The following BOLL variants were observed in gnomAD, a reference collection of about 807,000 sequenced individuals.
BOLL encodes the protein protein boule-like.
BOLL carries 23 observed loss-of-function variants against 44.4 expected under a neutral mutation model. That is an observed-to-expected ratio of 0.52 (90% CI 0.37 to 0.73). The LOEUF (loss-of-function observed/expected upper bound fraction) is 0.73, where lower values mean the gene tolerates loss of function less well. Ranked by LOEUF, BOLL falls within the 30% of genes least tolerant of loss-of-function variation. The probability of loss-of-function intolerance (pLI) is 0.00; values close to 1 mark genes in which losing one functional copy is unlikely to be tolerated. For synonymous variants in BOLL, 97 were observed against 110.8 expected (o/e 0.88, Z 0.78); for missense variants, 287 against 338.3 (o/e 0.85, Z 1.19).
intron 8 of BOLL, among the ~76,000 whole-genome samples, chr2:197,757,122 C>A (rs991756202): frequency 1.3e-5 from 2 of 152,046 alleles, no homozygotes; most frequent in Non-Finnish European, 2.9e-5. Context: ...AATGCTTTCA[C>A]TTATGCATTA....
chr2:197,764,952 C>A (rs1688924630), intron 7 of BOLL, among the ~76,000 whole-genome samples: 3 of 151,252 alleles, frequency 2.0e-5, no homozygotes, highest in African/African-American at 7.3e-5. Context: ...TAAAGAGTAC[C>A]ATGTGTTACA....
chr2:197,758,694 C>A (rs1688622882), intron 7 of BOLL, among the ~76,000 whole-genome samples: 2 of 152,152 alleles, frequency 1.3e-5, no homozygotes, highest in Admixed American at 6.5e-5. Flanking sequence ...CATTATAGTT[C>A]ACTTATCCCC....
intron 10 of BOLL, among the ~76,000 whole-genome samples, chr2:197,742,847 G>T (rs1687816603): frequency 6.6e-6 from 1 of 151,722 alleles, no homozygotes; most frequent in Non-Finnish European, 1.5e-5. Context: ...TTTTAAAAAA[G>T]AAAATTTTTA....
intron 10 of BOLL, among the ~76,000 whole-genome samples, chr2:197,731,718 G>A (rs895383751): frequency 6.6e-6 from 1 of 151,630 alleles, no homozygotes; most frequent in African/African-American, 2.4e-5. Flanking sequence ...ATGACTACTG[G>A]GTACATAACA....
Position 197,774,242 on chromosome 2 carries a change from T to C in BOLL, c.352+1423A>G, listed in dbSNP as rs376780337. On this transcript the variant is annotated intron_variant, in intron 5 of 10. Coordinates refer to ENST00000392296, the MANE Select transcript of BOLL (RefSeq NM_033030.6). ...TATATTCAAATAAACAATATGATAT[T>C]ATGGAACAGAATGCAAATTATACAT... 3.1e-5 allele frequency: 6 copies of C among 193,798 alleles called. No homozygotes were observed. In the South Asian group the frequency reaches 5.3e-4, roughly 17 times the overall value. The allele number at this position is 193,798 out of a possible 1,614,324, so 12.0% of individuals were successfully genotyped here. A position where few individuals can be genotyped will look rare whatever the true frequency, so the allele number is the denominator to read the frequency against.
At chr2:197,785,421 T>C, upstream of BOLL, 1 of 979,000 alleles carries the variant, frequency 1.0e-6, no homozygotes, top group Non-Finnish European at 1.2e-6. This position sits in a 1 kb window ranked among gnomAD's most constrained non-coding sequence, Gnocchi z 6.7. Flanking sequence ...GTGCGGGCAG[T>C]CCTCCTTCAC....
chr2:197,762,918 A>C (rs866811076), intron 7 of BOLL, among the ~76,000 whole-genome samples: 5 of 152,228 alleles, frequency 3.3e-5, no homozygotes, highest in Non-Finnish European at 7.3e-5. Flanking sequence ...ACAAAACAAT[A>C]CAAAAGATTA....
At position 197,728,186 on chromosome 2, in the gene BOLL, TAAC is replaced by T; in HGVS notation, c.*366_*368del. ...AATAAATATCAAATAATATGAAACA[TAAC>T]ATCTAATTGTTTGATAAGAAAAAAT... is the stretch of plus-strand genomic sequence containing the variant. On this transcript the variant is annotated 3_prime_UTR_variant, in exon 11 of 11. Transcript: ENST00000392296. The T allele has an allele frequency of 2.9e-6, 1 of 349,124 alleles. No individual in the cohort carries two copies. The highest frequency in any genetic ancestry group is 5.1e-6 in the Non-Finnish European group (1 of 195,836). 21.6% of individuals were successfully genotyped at this position (349,124 alleles called of 1,614,324 possible). A position where few individuals can be genotyped will look rare whatever the true frequency, so the allele number is the denominator to read the frequency against.
At chr2:197,765,145 A>G (rs973613782) in intron 7 of BOLL, among the ~76,000 whole-genome samples, 12 of 152,096 alleles carry the variant, frequency 7.9e-5, no homozygotes, top group African/African-American at 1.9e-4. Context: ...ATGCAAAGGC[A>G]TAAGAATGAT....
intron 3 of BOLL, 126 bp from the exon 4 acceptor site, chr2:197,777,239 C>A: frequency 2.1e-6 from 1 of 480,992 alleles, no homozygotes; most frequent in South Asian, 4.7e-5. Context: ...TGTTTCTATG[C>A]TGCACTAGCA....
intron 7 of BOLL, among the ~76,000 whole-genome samples, chr2:197,762,896 A>T (rs1176451540): frequency 6.6e-6 from 1 of 152,202 alleles, no homozygotes; most frequent in Non-Finnish European, 1.5e-5. Flanking sequence ...AGAAATAAAC[A>T]ATGTTGAGAC....
chr2:197,765,710 A>C (rs1008657002), intron 7 of BOLL, among the ~76,000 whole-genome samples: 8 of 151,186 alleles, frequency 5.3e-5, no homozygotes, highest in Non-Finnish European at 8.9e-5. Flanking sequence ...CTTATTTTTA[A>C]AACTTTTATT....
rs1690005856 is a variant in BOLL at position 197,785,086 on chromosome 2, C to G, written c.-46G>C. The G allele has an allele frequency of 1.0e-6, 1 of 986,016 alleles. No homozygotes were observed. Among genetic ancestry groups the G allele is most frequent in the Admixed American group, 6.1e-5 (1 of 16,290 alleles). 61.1% of individuals were successfully genotyped at this position (986,016 alleles called of 1,614,324 possible). A position where few individuals can be genotyped will look rare whatever the true frequency, so the allele number is the denominator to read the frequency against. ...CAGTCACTGCCTCGGCGCTCCTCCC[C>G]CTCCAAGGCCAGCAAGTTGCGGCAC... On this transcript the variant is annotated 5_prime_UTR_variant, in exon 1 of 11. Coordinates refer to ENST00000392296, the MANE Select transcript of BOLL (RefSeq NM_033030.6). This position sits in a 1 kb window ranked among gnomAD's most constrained non-coding sequence, Gnocchi z 6.7.
chr2:197,766,986 T>C (rs1346218369), intron 6 of BOLL, among the ~76,000 whole-genome samples: 3 of 152,054 alleles, frequency 2.0e-5, no homozygotes, highest in Non-Finnish European at 4.4e-5. Flanking sequence ...ATGTTTATAA[T>C]AGTGTTTAGA....
chr2:197,774,625 C>T (rs1282990058), intron 5 of BOLL: 1 of 151,838 alleles, frequency 6.6e-6, no homozygotes, highest in African/African-American at 2.4e-5. Context: ...CTATTTAGTA[C>T]ATATTGCTGG....
chr2:197,753,754 A>C (rs1050234846), intron 9 of BOLL, among the ~76,000 whole-genome samples: 7 of 152,224 alleles, frequency 4.6e-5, no homozygotes, highest in Admixed American at 2.0e-4. Context: ...TAGAACCAGA[A>C]ATACCATTTG....
intron 5 of BOLL, among the ~76,000 whole-genome samples, chr2:197,772,466 A>C (rs1430923388): frequency 6.6e-6 from 1 of 152,024 alleles, no homozygotes; most frequent in Non-Finnish European, 1.5e-5. Context: ...ACTTTCCTGA[A>C]GACATTTTGG....
At chr2:197,778,868 G>T in intron 3 of BOLL, 107 bp downstream of exon 3, 1 of 840,316 alleles carries the variant, frequency 1.2e-6, no homozygotes. Context: ...AAGAGGGCAT[G>T]ATGGTCTCTG....
intron 5 of BOLL, among the ~76,000 whole-genome samples, chr2:197,772,600 T>C (rs1432726124): frequency 6.6e-6 from 1 of 152,016 alleles, no homozygotes; most frequent in Non-Finnish European, 1.5e-5. Flanking sequence ...ACTGCTGCTG[T>C]TGCAAACATG....
Sources: allele counts gnomAD v4.1 joint callset (sites outside exome capture counted in the v4.1 genomes callset), GRCh38; gene constraint gnomAD v4.1.1; non-coding constraint Gnocchi (gnomAD v3.1); transcripts MANE v1.5; gene names NCBI Gene and HGNC (gene_info 2026-07-23, HGNC 2026-07-21).